The following SETDB1 variants were observed in gnomAD, a reference collection of about 807,000 sequenced individuals.
SETDB1 encodes histone-lysine N-methyltransferase SETDB1.
Under a neutral mutation model 137.4 loss-of-function variants are expected in SETDB1, and 31 were observed. The observed-to-expected ratio is 0.23, with a 90% CI of 0.17 to 0.30. The LOEUF is 0.30. Ranked by LOEUF, SETDB1 falls within the 10% of genes least tolerant of loss-of-function variation. The pLI, the probability that SETDB1 is intolerant of heterozygous loss-of-function variation, is 1.00. For synonymous variants in SETDB1, 548 were observed against 579.9 expected (o/e 0.95, Z 0.79); for missense variants, 1,113 against 1,631.5 (o/e 0.68, Z 5.47).
intron 15 of SETDB1, among the ~76,000 whole-genome samples, chr1:150,959,603 TA>T (rs1380649330): frequency 7.2e-5 from 11 of 152,138 alleles, no homozygotes; most frequent in East Asian, 1.9e-4. Context: ...CAGACATGAT[TA>T]TAGAGTCCAG....
At chr1:150,930,519 C>CTTTTTTTTTTTTTTTTTTTTTT (rs61548246) in intron 3 of SETDB1, 1 of 65,814 alleles carries the variant, frequency 1.5e-5, no homozygotes, top group Non-Finnish European at 2.6e-5. Flanking sequence ...TTAGGATTTT[C>CTTTTTTTTTTTTTTTTTTTTTT]TTTTTTTTTT....
chr1:150,940,572 A>G (rs1670106401), intron 4 of SETDB1, among the ~76,000 whole-genome samples: 1 of 151,480 alleles, frequency 6.6e-6, no homozygotes, highest in African/African-American at 2.4e-5. Context: ...TGTCTCAGAA[A>G]AAAAAAAAAA....
At chr1:150,953,747 T>A (rs1670561917) in intron 14 of SETDB1, among the ~76,000 whole-genome samples, 1 of 151,944 alleles carries the variant, frequency 6.6e-6, no homozygotes, top group Admixed American at 6.6e-5. Context: ...GAGAATCGCT[T>A]GAAGCTGGGA....
chr1:150,947,788 A>C (rs779633538), intron 10 of SETDB1, among the ~76,000 whole-genome samples: 11 of 152,242 alleles, frequency 7.2e-5, no homozygotes, highest in South Asian at 2.1e-4. Context: ...AACAAACAAA[A>C]AACAGATTTG....
chr1:150,946,790 C>A, intron 9 of SETDB1, 96 bp from the exon 10 acceptor site: 1 of 1,432,306 alleles, frequency 7.0e-7, no homozygotes, highest in Non-Finnish European at 9.7e-7. Flanking sequence ...AGGGAGGATT[C>A]CCAGAGGTGA....
chr1:150,954,794 C>G (rs959360946), intron 14 of SETDB1, among the ~76,000 whole-genome samples: 1 of 152,178 alleles, frequency 6.6e-6, no homozygotes, highest in African/African-American at 2.4e-5. Context: ...AGGCTAAATA[C>G]ATTTTTTTAG....
At chr1:150,940,571 A>C (rs1010195064) in intron 4 of SETDB1, among the ~76,000 whole-genome samples, 1 of 148,298 alleles carries the variant, frequency 6.7e-6, no homozygotes, top group Non-Finnish European at 1.5e-5. Context: ...CTGTCTCAGA[A>C]AAAAAAAAAA....
At chr1:150,935,406 CA>C (rs1175178915) in intron 3 of SETDB1, among the ~76,000 whole-genome samples, 3 of 151,902 alleles carry the variant, frequency 2.0e-5, no homozygotes, top group Non-Finnish European at 4.4e-5. Context: ...GGAAGTATTT[CA>C]TCTGTTATTT....
chr1:150,951,762 A>T (rs1421136318), intron 14 of SETDB1, among the ~76,000 whole-genome samples: 1 of 152,242 alleles, frequency 6.6e-6, no homozygotes, highest in African/African-American at 2.4e-5. Context: ...ATGTCTTAAC[A>T]GATTGTGATT....
Position 150,963,514 on chromosome 1 carries a change from T to C in SETDB1, c.3461-16T>C. 6.3e-7 allele frequency: 1 copy of C among 1,599,096 alleles called. No homozygotes were observed. Among genetic ancestry groups the C allele is most frequent in the African/African-American group, 1.3e-5 (1 of 74,798 alleles). On this transcript the variant is annotated splice_polypyrimidine_tract_variant and intron_variant, in intron 19 of 21. Coordinates refer to ENST00000692827, the MANE Select transcript of SETDB1 (RefSeq NM_001366418.1). ...GAGTTGGGATGGGTCCTGACCCCAT[T>C]CTCCCTCCTGTCCAGGTCCAATGAA...
chr1:150,955,952 CGTG>C (rs1558024308), intron 14 of SETDB1, among the ~76,000 whole-genome samples: 1 of 151,870 alleles, frequency 6.6e-6, no homozygotes, highest in Non-Finnish European at 1.5e-5. Flanking sequence ...ATTAGCCAGG[CGTG>C]GTGGCACATG....
At chr1:150,963,769 GC>G (rs1670899547) in intron 20 of SETDB1, 28 bp downstream of exon 20, 1 of 1,602,046 alleles carries the variant, frequency 6.2e-7, no homozygotes, top group South Asian at 1.1e-5. Context: ...ACCTCTAGAT[GC>G]TGGATTATCC....
chr1:150,963,990 T>A lies in SETDB1; in HGVS notation c.3673-5T>A, dbSNP rs1231129811. 2.5e-6 allele frequency: 4 copies of A among 1,613,612 alleles called. No homozygotes were observed. Among genetic ancestry groups the A allele is most frequent in the East Asian group, 2.2e-5 (1 of 44,882 alleles). The stretch of plus-strand genomic sequence containing the variant: ...TCTTATTTGATCCTGTCCTTAAACC[T>A]ACAGCACAGTTGCAGCCCCAACCTG... On this transcript the variant is annotated splice_region_variant and splice_polypyrimidine_tract_variant and intron_variant, in intron 20 of 21. Coordinates refer to ENST00000692827, the MANE Select transcript of SETDB1 (RefSeq NM_001366418.1).
intron 14 of SETDB1, among the ~76,000 whole-genome samples, chr1:150,953,865 T>A (rs1176942867): frequency 6.6e-6 from 1 of 151,852 alleles, no homozygotes; most frequent in Non-Finnish European, 1.5e-5. Flanking sequence ...AAAAATTTTT[T>A]TTTTTTTTAG....
At chr1:150,947,787 A>AC (rs1476880172) in intron 10 of SETDB1, among the ~76,000 whole-genome samples, 1 of 152,148 alleles carries the variant, frequency 6.6e-6, no homozygotes, top group East Asian at 1.9e-4. Flanking sequence ...AAACAAACAA[A>AC]AAACAGATTT....
chr1:150,951,021 A>G lies in SETDB1; in HGVS notation c.2147A>G (p.Lys716Arg). The G allele has an allele frequency of 6.2e-7, 1 of 1,614,130 alleles. No homozygotes were observed. Among genetic ancestry groups the G allele is most frequent in the South Asian group, 1.1e-5 (1 of 91,080 alleles). ...TACAGCAAGGAACGTATCCCGGGCA[A>G]GGGTGTTTTCATTAACACAGGCCCT... The part of the protein sequence containing the change: ...VAYSKERIPG[K>R]GVFINTGPEF... The change falls in exon 13 of 22, where the codon AAG becomes AGG. Residue 716 changes from lysine (K) to arginine (R), a missense_variant. Transcript: ENST00000692827.
intron 20 of SETDB1, 64 bp from the exon 21 acceptor site, chr1:150,963,931 C>T (rs1470444206): frequency 1.3e-6 from 2 of 1,490,020 alleles, no homozygotes; most frequent in African/African-American, 1.4e-5. Flanking sequence ...CCAACTCTCA[C>T]TCTCCCTGCA....
At chr1:150,954,471 C>T (rs2102730347) in intron 14 of SETDB1, among the ~76,000 whole-genome samples, 1 of 152,016 alleles carries the variant, frequency 6.6e-6, no homozygotes, top group East Asian at 1.9e-4. Flanking sequence ...AGAAAGTGTC[C>T]CATAATTGAA....
chr1:150,963,331 C>A, intron 19 of SETDB1, 192 bp downstream of exon 19: 1 of 725,536 alleles, frequency 1.4e-6, no homozygotes, highest in Non-Finnish European at 2.3e-6. Context: ...TTTTTTTACT[C>A]TTTCCCCTCA....
Sources: allele counts gnomAD v4.1 joint callset (sites outside exome capture counted in the v4.1 genomes callset), GRCh38; gene constraint gnomAD v4.1.1; transcripts MANE v1.5; gene names NCBI Gene and HGNC (gene_info 2026-07-23, HGNC 2026-07-21).